The following COBLL1 variants were observed in gnomAD, a reference collection of about 807,000 sequenced individuals.
COBLL1 encodes the protein cordon-bleu protein-like 1.
In COBLL1, 50 loss-of-function variants were observed where a neutral mutation model predicts 94.8. That is an observed-to-expected ratio of 0.53 (90% confidence interval 0.42 to 0.67). The LOEUF is 0.67. Among genes scored for constraint, COBLL1 ranks in the 30% least tolerant of loss-of-function variants. COBLL1 has a pLI of 0.00. For synonymous variants in COBLL1, 448 were observed against 473.8 expected (o/e 0.95, Z 0.71); for missense variants, 1,362 against 1,348.7 (o/e 1.01, Z -0.15).
chr2:164,798,815 C>A (rs944617592), intron 2 of COBLL1, among the ~76,000 whole-genome samples: 2 of 151,742 alleles, frequency 1.3e-5, no homozygotes, highest in East Asian at 1.9e-4. Context: ...GTCAGGAGAT[C>A]GAGACCACCC....
Position 164,694,539 on chromosome 2 carries a change from T to C in COBLL1, c.2853A>G (p.Ile951Met), listed in dbSNP as rs752545571. The change falls in exon 12 of 14, where the codon ATA becomes ATG. Residue 951 changes from isoleucine to methionine, a missense_variant. Coordinates refer to ENST00000652658, the MANE Select transcript of COBLL1 (RefSeq NM_001365672.2). ...CAGGAATTGTCACAGGTTTTGGAGC[T>C]ATGGGAGGAGGGGAGGCTTCAGCAG... Reference protein sequence around the residue: ...QAPAEASPPPIAPKPVTIPAS... With the variant: ...QAPAEASPPPMAPKPVTIPAS... 6.2e-7 allele frequency: 1 copy of C among 1,613,940 alleles called. No individual in the cohort carries two copies. Among genetic ancestry groups the C allele is most frequent in the Non-Finnish European group, 8.5e-7 (1 of 1,179,946 alleles).
chr2:164,775,853 GTCT>G (rs1688438089), intron 2 of COBLL1, among the ~76,000 whole-genome samples: 2 of 151,992 alleles, frequency 1.3e-5, no homozygotes, highest in African/African-American at 4.8e-5. Flanking sequence ...CTACTTGGGG[GTCT>G]TACTACCCAT....
chr2:164,817,389 A>AAGG lies in COBLL1; in HGVS notation c.41+23764_41+23766dup, dbSNP rs3834132. On this transcript the variant is annotated intron_variant, in intron 2 of 13. Transcript: ENST00000652658. ...AAAAAAAAAAAAAAAGAAGAAGAAG[A>AAGG]AGGACTTAGAACAACAGAGATAAAA... Among the ~76,000 whole-genome samples the AAGG allele has an allele frequency of 3.2e-3, 482 of 149,622 alleles. 5 individuals carry two copies. The highest frequency in any genetic ancestry group is 0.014 in the East Asian group (72 of 5,132).
At chr2:164,668,780 T>A (rs1691204251) in intron 1 of COBLL1, among the ~76,000 whole-genome samples, 1 of 152,246 alleles carries the variant, frequency 6.6e-6, no homozygotes, top group African/African-American at 2.4e-5. Context: ...TGTGGATGTT[T>A]ATTTATCTAC....
At chr2:164,810,493 T>C (rs996442135) in intron 2 of COBLL1, among the ~76,000 whole-genome samples, 6 of 151,662 alleles carry the variant, frequency 4.0e-5, no homozygotes, top group African/African-American at 1.4e-4. Flanking sequence ...TATAGAAGTA[T>C]TCATAATTGT....
chr2:164,693,022 G>T (rs534696024), intron 12 of COBLL1, among the ~76,000 whole-genome samples: 1 of 152,030 alleles, frequency 6.6e-6, no homozygotes, highest in African/African-American at 2.4e-5. Context: ...ATTTAATTAC[G>T]CTTCTCAGGA....
chr2:164,694,034 A>G (rs17184917), intron 12 of COBLL1, among the ~76,000 whole-genome samples: 14,861 of 152,208 alleles, frequency 0.098, 982 homozygotes, highest in Non-Finnish European at 0.15. Context: ...AACATTTGCT[A>G]ATGACACAAT....
At chr2:164,776,388 C>T (rs1272421449) in intron 2 of COBLL1, among the ~76,000 whole-genome samples, 1 of 152,006 alleles carries the variant, frequency 6.6e-6, no homozygotes, top group African/African-American at 2.4e-5. Context: ...CTGGTATATA[C>T]AAGCACCCCC....
chr2:164,709,736 A>G (rs1318651971), intron 7 of COBLL1, among the ~76,000 whole-genome samples: 1 of 152,042 alleles, frequency 6.6e-6, no homozygotes, highest in Non-Finnish European at 1.5e-5. Flanking sequence ...TAAATAAATA[A>G]ATAAAAATAA....
At chr2:164,789,677 G>T (rs1395489218) in intron 2 of COBLL1, among the ~76,000 whole-genome samples, 2 of 152,272 alleles carry the variant, frequency 1.3e-5, no homozygotes, top group East Asian at 3.9e-4. Context: ...GAGAATATGA[G>T]ATTTAAGGAC....
intron 13 of COBLL1, among the ~76,000 whole-genome samples, chr2:164,690,775 A>G (rs541320114): frequency 1.4e-4 from 22 of 152,252 alleles, no homozygotes; most frequent in African/African-American, 5.3e-4. Context: ...AGTATCTAGT[A>G]CAATATTTGT....
At chr2:164,808,127 C>T (rs16849792) in intron 2 of COBLL1, among the ~76,000 whole-genome samples, 53,753 of 151,990 alleles carry the variant, frequency 0.35, 9,714 homozygotes, top group Admixed American at 0.41. Context: ...GCCTGAGCTT[C>T]ATTTTAAATA....
At chr2:164,786,674 C>T (rs970144763) in intron 2 of COBLL1, among the ~76,000 whole-genome samples, 1 of 152,078 alleles carries the variant, frequency 6.6e-6, no homozygotes, top group Non-Finnish European at 1.5e-5. Context: ...GCCCTGTCTC[C>T]CTCAGGAGAC....
At position 164,793,162 on chromosome 2, in the gene COBLL1, C is replaced by G. The variant is rs78434429; in HGVS notation, c.41+47994G>C. ...CCAGACCCCCCAGTATAATGTAATT[C>G]AAACCTGTGAAACACCCAATTTATT... On this transcript the variant is annotated intron_variant, in intron 2 of 13. Coordinates refer to ENST00000652658, the MANE Select transcript of COBLL1 (RefSeq NM_001365672.2). Among the ~76,000 whole-genome samples, 42 of 152,276 alleles carry G rather than the reference C, an allele frequency of 2.8e-4. No homozygotes were observed. In the East Asian group the frequency reaches 7.9e-3, roughly 29 times the overall value.
chr2:164,828,281 C>T (rs1019244651), intron 2 of COBLL1, among the ~76,000 whole-genome samples: 1 of 152,030 alleles, frequency 6.6e-6, no homozygotes, highest in African/African-American at 2.4e-5. Flanking sequence ...GATATTAAAC[C>T]CTGCAAGTTA....
intron 2 of COBLL1, chr2:164,773,620 T>C (rs1688318535): frequency 2.1e-6 from 1 of 478,076 alleles, no homozygotes. Context: ...GTAATCATAG[T>C]TTGAGAGAAA....
chr2:164,675,261 A>G (rs1691317543), downstream of COBLL1, among the ~76,000 whole-genome samples: 1 of 152,218 alleles, frequency 6.6e-6, no homozygotes. Context: ...CCGTTGTCTC[A>G]TACCACAGCA....
At chr2:164,834,299 T>C (rs1166786214) in intron 2 of COBLL1, among the ~76,000 whole-genome samples, 1 of 152,108 alleles carries the variant, frequency 6.6e-6, no homozygotes, top group African/African-American at 2.4e-5. Flanking sequence ...TTCTTAATTA[T>C]ATCAGTCATT....
chr2:164,720,484 A>C (rs1449090321), intron 7 of COBLL1, among the ~76,000 whole-genome samples: 1 of 152,178 alleles, frequency 6.6e-6, no homozygotes. Flanking sequence ...AGCTGGAATA[A>C]AGATTTGTGA....
Sources: gnomAD v4.1 joint callset for allele counts (sites outside exome capture counted in the v4.1 genomes callset) on GRCh38, gnomAD v4.1.1 for gene constraint, MANE v1.5 for transcripts, NCBI Gene and HGNC (gene_info 2026-07-23, HGNC 2026-07-21) for gene names.